CRIM1: variants seen among roughly 807,000 people sequenced by gnomAD.
CRIM1 encodes the protein cysteine-rich motor neuron 1 protein.
Under a neutral mutation model 116.4 loss-of-function variants are expected in CRIM1, and 32 were observed. The ratio of observed to expected loss-of-function variants is 0.27; its 90% CI spans 0.21 to 0.37. CRIM1 has a LOEUF of 0.37. CRIM1 is among the 10% of genes least tolerant of loss of function. The pLI, the probability that CRIM1 is intolerant of heterozygous loss-of-function variation, is 1.00. For synonymous variants in CRIM1, 590 were observed against 509.2 expected (o/e 1.16, Z -2.13); for missense variants, 1,331 against 1,354.8 (o/e 0.98, Z 0.28).
chr2:36,425,851 T>G (rs990609971), intron 2 of CRIM1, among the ~76,000 whole-genome samples: 2 of 152,228 alleles, frequency 1.3e-5, no homozygotes, highest in Non-Finnish European at 2.9e-5. Flanking sequence ...AATTCATTGC[T>G]TTAACATTCA....
intron 14 of CRIM1, among the ~76,000 whole-genome samples, chr2:36,540,381 A>T (rs928190027): frequency 6.6e-6 from 1 of 152,218 alleles, no homozygotes; most frequent in Non-Finnish European, 1.5e-5. Context: ...TGAATAAGAC[A>T]GACTGTGAAG....
At position 36,364,272 on chromosome 2, in the gene CRIM1, G is replaced by A. The variant is rs537958745; in HGVS notation, c.331+7649G>A. On this transcript the variant is annotated intron_variant, in intron 1 of 16. Coordinates refer to ENST00000280527, the MANE Select transcript of CRIM1 (RefSeq NM_016441.3). Reference sequence around the variant, plus strand: ...GGACCACACTTTTAAGTAGCACAAAGCTAGTACCTATGTATACAGCATGTA... The same window carrying A: ...GGACCACACTTTTAAGTAGCACAAAACTAGTACCTATGTATACAGCATGTA... 3.9e-5 allele frequency among the ~76,000 whole-genome samples: 6 copies of A among 152,284 alleles called. No homozygotes were observed. The East Asian group carries it at 7.7e-4, about 20-fold the overall frequency.
chr2:36,472,555 C>T (rs1377226737), intron 5 of CRIM1, among the ~76,000 whole-genome samples: 1 of 152,146 alleles, frequency 6.6e-6, no homozygotes, highest in East Asian at 1.9e-4. Flanking sequence ...GCTTAAGCTT[C>T]TGCACACCCT....
intron 1 of CRIM1, among the ~76,000 whole-genome samples, chr2:36,382,213 C>T (rs1187015876): frequency 6.6e-6 from 1 of 152,214 alleles, no homozygotes; most frequent in Non-Finnish European, 1.5e-5. Context: ...ATGCTGTTTC[C>T]AAACTGCGCG....
At chr2:36,472,880 G>A (rs1179862673) in intron 5 of CRIM1, among the ~76,000 whole-genome samples, 1 of 152,152 alleles carries the variant, frequency 6.6e-6, no homozygotes, top group East Asian at 1.9e-4. Context: ...TAGTTTGTTA[G>A]CTAAAAGTAT....
chr2:36,423,792 A>T (rs1674249713), intron 2 of CRIM1, among the ~76,000 whole-genome samples: 1 of 152,194 alleles, frequency 6.6e-6, no homozygotes, highest in African/African-American at 2.4e-5. Context: ...CTAATAATAG[A>T]TGCTTACTTA....
Position 36,548,726 on chromosome 2 carries a change from CA to C in CRIM1, c.*29del. Reference sequence around the variant, plus strand: ...AAGAAAGGCAACTAGGATGAGGTTTCAAAAGACGGAAGACGACTAAATCTGC... The same window carrying C: ...AAGAAAGGCAACTAGGATGAGGTTTCAAAGACGGAAGACGACTAAATCTGC... On this transcript the variant is annotated 3_prime_UTR_variant, in exon 17 of 17. Transcript: ENST00000280527. 9.7e-6 allele frequency: 15 copies of C among 1,549,758 alleles called. No individual in the cohort carries two copies. Among genetic ancestry groups the C allele is most frequent in the Non-Finnish European group, 1.3e-5 (15 of 1,152,300 alleles).
Position 36,356,041 on chromosome 2 carries a change from G to GGGAGGA in CRIM1, c.-234_-229dup, listed in dbSNP as rs528109428. On this transcript the variant is annotated 5_prime_UTR_variant, in exon 1 of 17. Coordinates refer to ENST00000280527, the MANE Select transcript of CRIM1 (RefSeq NM_016441.3). The surrounding 1 kb of genome is among the most constrained non-coding windows in gnomAD (Gnocchi z 4.3). ...TTTTTCTTTTTTCCCCCTCCCTCCC[G>GGGAGGA]GGAGGAGGAGGAGGAGGAGGAGGGG... 1.1e-4 allele frequency: 17 copies of GGGAGGA among 152,560 alleles called. No homozygotes were observed. The highest frequency in any genetic ancestry group is 3.9e-4 in the Admixed American group (6 of 15,208). The allele number at this position is 152,560 out of a possible 1,614,324, so 9.5% of individuals were successfully genotyped here.
Position 36,548,625 on chromosome 2 carries a change from A to G in CRIM1, c.3035A>G (p.Asp1012Gly). The change falls in exon 17 of 17, where the codon GAT becomes GGT. Residue 1012 changes from aspartate to glycine, a missense_variant. Around this residue, in one of 3 missense-constraint regions of CRIM1, gnomAD observed 283 missense variants for 242.8 expected, o/e 1.17. Coordinates refer to ENST00000280527, the MANE Select transcript of CRIM1 (RefSeq NM_016441.3). The stretch of plus-strand genomic sequence containing the variant: ...AGAATGCTAAGAATTGCAGAACCAG[A>G]TGCAAGATTCAGTGGCTTCTACAGC... ...SQRMLRIAEPDARFSGFYSMQ... is the reference protein window; with the variant it reads ...SQRMLRIAEPGARFSGFYSMQ... 1.2e-6 allele frequency: 2 copies of G among 1,613,074 alleles called. No individual in the cohort carries two copies. Among genetic ancestry groups the G allele is most frequent in the Non-Finnish European group, 1.7e-6 (2 of 1,179,572 alleles).
At chr2:36,469,549 G>A (rs1678323499) in intron 5 of CRIM1, among the ~76,000 whole-genome samples, 3 of 152,212 alleles carry the variant, frequency 2.0e-5, no homozygotes, top group Middle Eastern at 6.8e-3. Flanking sequence ...ACAGTAACAT[G>A]TGAAATCACC....
At chr2:36,381,305 C>CG (rs1259139073) in intron 1 of CRIM1, among the ~76,000 whole-genome samples, 1 of 152,188 alleles carries the variant, frequency 6.6e-6, no homozygotes, top group African/African-American at 2.4e-5. Context: ...CTGCCCAGCG[C>CG]GGCCCCACAG....
chr2:36,365,570 A>G (rs1196229745), intron 1 of CRIM1, among the ~76,000 whole-genome samples: 1 of 152,194 alleles, frequency 6.6e-6, no homozygotes, highest in East Asian at 1.9e-4. Flanking sequence ...ATGTGGACTA[A>G]TAGTCGAGGT....
chr2:36,544,733 T>C (rs943649571), intron 15 of CRIM1, among the ~76,000 whole-genome samples: 2 of 152,170 alleles, frequency 1.3e-5, no homozygotes, highest in Admixed American at 1.3e-4. Context: ...GCTCAGAGAC[T>C]TTGTGATGAC....
intron 1 of CRIM1, among the ~76,000 whole-genome samples, chr2:36,365,465 G>A (rs558145065): frequency 6.6e-6 from 1 of 152,296 alleles, no homozygotes; most frequent in African/African-American, 2.4e-5. Context: ...CCGATTCAGA[G>A]ACCACTGCGG....
chr2:36,532,530 A>G (rs571964452), intron 13 of CRIM1, among the ~76,000 whole-genome samples: 6 of 152,190 alleles, frequency 3.9e-5, no homozygotes, highest in Non-Finnish European at 8.8e-5. Flanking sequence ...GGTAAAGGAC[A>G]ATTTATCTTT....
Position 36,356,711 on chromosome 2 carries a change from T to G in CRIM1, c.331+88T>G. On this transcript the variant is annotated intron_variant, in intron 1 of 16. Coordinates refer to ENST00000280527, the MANE Select transcript of CRIM1 (RefSeq NM_016441.3). The surrounding 1 kb of genome is among the most constrained non-coding windows in gnomAD (Gnocchi z 4.3). Reference sequence around the variant, plus strand: ...TGCCGAACAAAGTTTGGGCGAGACTTTCTGGAGGAAAGAGGGCTCTGCGGG... The same window carrying G: ...TGCCGAACAAAGTTTGGGCGAGACTGTCTGGAGGAAAGAGGGCTCTGCGGG... 1.5e-6 allele frequency: 2 copies of G among 1,337,188 alleles called. No homozygotes were observed. The highest frequency in any genetic ancestry group is 2.0e-6 in the Non-Finnish European group (2 of 986,502). 82.8% of individuals were successfully genotyped at this position (1,337,188 alleles called of 1,614,324 possible). A position where few individuals can be genotyped will look rare whatever the true frequency, so the allele number is the denominator to read the frequency against.
chr2:36,510,159 G>A lies in CRIM1; in HGVS notation c.1658+20G>A. 6.2e-7 allele frequency: 1 copy of A among 1,604,822 alleles called. No homozygotes were observed. The highest frequency in any genetic ancestry group is 8.5e-7 in the Non-Finnish European group (1 of 1,175,426). ...ATTGCTGTACGTATTTGTTAATTCAGAAAAGCTATTATGAAGTGCAACTTG... is the reference window on the plus strand; with the variant it reads ...ATTGCTGTACGTATTTGTTAATTCAAAAAAGCTATTATGAAGTGCAACTTG... On this transcript the variant is annotated intron_variant, in intron 9 of 16. Transcript: ENST00000280527.
intron 10 of CRIM1, among the ~76,000 whole-genome samples, chr2:36,512,690 C>T (rs1423655653): frequency 6.6e-6 from 1 of 152,192 alleles, no homozygotes; most frequent in Non-Finnish European, 1.5e-5. Context: ...TTATCTGAAC[C>T]TCTATAGAGC....
chr2:36,500,417 G>A (rs866778373), intron 8 of CRIM1, among the ~76,000 whole-genome samples: 4 of 152,136 alleles, frequency 2.6e-5, no homozygotes, highest in Non-Finnish European at 4.4e-5. Context: ...ATTGCACTTC[G>A]TTGGCTGATA....
Sources: allele counts gnomAD v4.1 joint callset (sites outside exome capture counted in the v4.1 genomes callset), GRCh38; gene constraint gnomAD v4.1.1; regional missense constraint gnomAD v4.1.1; non-coding constraint Gnocchi (gnomAD v3.1); transcripts MANE v1.5; gene names NCBI Gene and HGNC (gene_info 2026-07-23, HGNC 2026-07-21).